Variants in MTCL1 observed in about 807,000 individuals in gnomAD.
MTCL1 encodes the protein microtubule cross-linking factor 1.
Under a neutral mutation model 141.4 loss-of-function variants are expected in MTCL1, and 79 were observed. That is an observed-to-expected ratio of 0.56 (90% confidence interval 0.47 to 0.67). The LOEUF (loss-of-function observed/expected upper bound fraction) is 0.67, where lower values mean the gene tolerates loss of function less well. MTCL1 is among the 30% of genes least tolerant of loss of function. The pLI, the probability that MTCL1 is intolerant of heterozygous loss-of-function variation, is 0.00. For missense variants in MTCL1, 2,177 were observed against 2,113.9 expected (o/e 1.03, Z -0.59); for synonymous variants, 914 against 875.8 (o/e 1.04, Z -0.77).
At chr18:8,829,823 C>G (rs1367475975) in intron 16 of MTCL1, 1 of 985,070 alleles carries the variant, frequency 1.0e-6, no homozygotes, top group African/African-American at 1.8e-5. Flanking sequence ...CTCGGGAAAG[C>G]GCAGCATCGT....
intron 4 of MTCL1, among the ~76,000 whole-genome samples, chr18:8,734,285 C>T (rs1257065637): frequency 2.0e-5 from 3 of 151,954 alleles, no homozygotes; most frequent in African/African-American, 4.8e-5. Context: ...GAAGAGTCAT[C>T]GCTTGACCCT....
chr18:8,763,123 C>T (rs939499221), intron 4 of MTCL1, among the ~76,000 whole-genome samples: 1 of 152,232 alleles, frequency 6.6e-6, no homozygotes, highest in Admixed American at 6.5e-5. Context: ...TAACATGTCC[C>T]ATGTCTGTCT....
At chr18:8,706,583 C>G (rs773884596) in exon 1 of MTCL1, 2 of 1,492,580 alleles carry the variant, frequency 1.3e-6, no homozygotes, top group Middle Eastern at 2.3e-4. Context: ...CGCTCGCCAC[C>G]GGAGCGACCA....
chr18:8,723,492 G>T (rs187329669), intron 4 of MTCL1, among the ~76,000 whole-genome samples: 1 of 152,166 alleles, frequency 6.6e-6, no homozygotes, highest in South Asian at 2.1e-4. Context: ...AGCAGTTGTC[G>T]CAGGTGTGTG....
At chr18:8,818,287 T>C (rs1334652029) in intron 12 of MTCL1, among the ~76,000 whole-genome samples, 3 of 119,864 alleles carry the variant, frequency 2.5e-5, no homozygotes, top group African/African-American at 9.7e-5. Flanking sequence ...GCTTGCCCAC[T>C]ACCGCTTCTT....
At chr18:8,798,326 A>G (rs775344193) in intron 10 of MTCL1, 35 bp downstream of exon 9, 1 of 1,449,338 alleles carries the variant, frequency 6.9e-7, no homozygotes, top group Non-Finnish European at 9.1e-7. Flanking sequence ...CGCCCTGCCC[A>G]CACCAGGGAG....
chr18:8,802,275 G>A (rs769115846), intron 10 of MTCL1: 1 of 152,254 alleles, frequency 6.6e-6, no homozygotes, highest in African/African-American at 2.4e-5. Context: ...CTGTCAAGGA[G>A]CCTGAATAAA....
chr18:8,763,079 C>T (rs2096441210), intron 4 of MTCL1, among the ~76,000 whole-genome samples: 1 of 152,236 alleles, frequency 6.6e-6, no homozygotes, highest in Non-Finnish European at 1.5e-5. Flanking sequence ...ATTCTTCTCC[C>T]CCCAACCAAG....
Position 8,830,450 on chromosome 18 carries a change from G to A in MTCL1, c.*19-1157G>A, listed in dbSNP as rs1327849303. On this transcript the variant is annotated intron_variant, in intron 16 of 16. Coordinates refer to ENST00000359865, the Ensembl canonical transcript of MTCL1. This position sits in a 1 kb window ranked among gnomAD's most constrained non-coding sequence, Gnocchi z 6.4. Reference sequence around the variant, plus strand: ...AGCCTGTGGCTCCCACGCTGTCCTCGGGCCATGCTGTCTCTGCCGTGTTCC... The same window carrying A: ...AGCCTGTGGCTCCCACGCTGTCCTCAGGCCATGCTGTCTCTGCCGTGTTCC... 2 of 985,450 alleles carry A rather than the reference G, an allele frequency of 2.0e-6. No individual in the cohort carries two copies. Among genetic ancestry groups the A allele is most frequent in the East Asian group, 1.1e-4 (1 of 8,830 alleles). 61.0% of individuals were successfully genotyped at this position (985,450 alleles called of 1,614,324 possible).
chr18:8,815,585 T>A (rs1248284380), intron 12 of MTCL1, among the ~76,000 whole-genome samples: 6 of 150,692 alleles, frequency 4.0e-5, no homozygotes, highest in African/African-American at 1.5e-4. Flanking sequence ...AACCTGCACA[T>A]TGTGCACATG....
rs1487616082 is a variant in MTCL1 at position 8,829,761 on chromosome 18, C to T, written c.*18+797C>T. ...GGGAGGGTCAATTCCCAGAAACGTGCTACAGGGGCAGCATCCCAGGACACC... is the reference window on the plus strand; with the variant it reads ...GGGAGGGTCAATTCCCAGAAACGTGTTACAGGGGCAGCATCCCAGGACACC... On this transcript the variant is annotated intron_variant, in intron 16 of 16. Coordinates refer to ENST00000359865, the Ensembl canonical transcript of MTCL1. 6 of 985,124 alleles carry T rather than the reference C, an allele frequency of 6.1e-6. No homozygotes were observed. The Admixed American group carries it at 3.7e-4, about 61-fold the overall frequency. The allele number at this position is 985,124 out of a possible 1,614,324, so 61.0% of individuals were successfully genotyped here. A position where few individuals can be genotyped will look rare whatever the true frequency, so the allele number is the denominator to read the frequency against.
chr18:8,761,681 A>G (rs1468651597), intron 4 of MTCL1, among the ~76,000 whole-genome samples: 5 of 152,224 alleles, frequency 3.3e-5, no homozygotes, highest in African/African-American at 7.2e-5. Context: ...GGGAGACCTT[A>G]CAATCATGGT....
At chr18:8,760,712 A>G (rs911493151) in intron 4 of MTCL1, among the ~76,000 whole-genome samples, 19 of 151,042 alleles carry the variant, frequency 1.3e-4, no homozygotes, top group African/African-American at 4.4e-4. Context: ...GTGTGTCTGC[A>G]TGTGTGTATG....
intron 6 of MTCL1, among the ~76,000 whole-genome samples, chr18:8,785,098 G>A (rs9963771): frequency 1.6e-4 from 24 of 151,220 alleles, no homozygotes; most frequent in African/African-American, 4.1e-4. Context: ...ACTGCGCCGC[G>A]GCTCATGGTT....
At chr18:8,769,785 G>A (rs2096477141) in intron 4 of MTCL1, among the ~76,000 whole-genome samples, 1 of 152,206 alleles carries the variant, frequency 6.6e-6, no homozygotes. Flanking sequence ...TTTAGCCAAA[G>A]TGTCTCAATG....
At chr18:8,789,619 C>G in intron 7 of MTCL1, 1 of 985,398 alleles carries the variant, frequency 1.0e-6, no homozygotes, top group Non-Finnish European at 1.2e-6. Context: ...ATTGTCAAGA[C>G]TAGTGTCTCA....
chr18:8,755,192 T>A (rs906086275), intron 4 of MTCL1, among the ~76,000 whole-genome samples: 2 of 152,218 alleles, frequency 1.3e-5, no homozygotes, highest in Admixed American at 6.5e-5. Flanking sequence ...ACCAAAGGAC[T>A]TGCCCAAGGT....
At chr18:8,718,739 G>A in intron 3 of MTCL1, 91 bp downstream of exon 2, 2 of 1,156,080 alleles carry the variant, frequency 1.7e-6, no homozygotes, top group Non-Finnish European at 2.6e-6. Context: ...CCCTGCTTGT[G>A]TCTGTCTCTA....
intron 14 of MTCL1, among the ~76,000 whole-genome samples, chr18:8,823,061 C>T (rs2076898521): frequency 6.6e-6 from 1 of 151,930 alleles, no homozygotes; most frequent in African/African-American, 2.4e-5. Flanking sequence ...TAGATAGTCT[C>T]AAAATATCCA....
Sources: allele counts gnomAD v4.1 joint callset (sites outside exome capture counted in the v4.1 genomes callset), GRCh38; gene constraint gnomAD v4.1.1; non-coding constraint Gnocchi (gnomAD v3.1); transcripts MANE v1.5; gene names NCBI Gene and HGNC (gene_info 2026-07-23, HGNC 2026-07-21).